UBR4: variants seen among roughly 807,000 people sequenced by gnomAD.
UBR4 encodes ubiquitin protein ligase E3 component n-recognin 4.
In UBR4, 124 loss-of-function variants were observed where a neutral mutation model predicts 575.6. That is an observed-to-expected ratio of 0.22 (90% CI 0.19 to 0.25). The LOEUF (loss-of-function observed/expected upper bound fraction) is 0.25, where lower values mean the gene tolerates loss of function less well. Ranked by LOEUF, UBR4 falls within the 10% of genes least tolerant of loss-of-function variation. The probability of loss-of-function intolerance (pLI) is 1.00; values close to 1 mark genes in which losing one functional copy is unlikely to be tolerated. For synonymous variants in UBR4, 2,455 were observed against 2,473.7 expected, an observed-to-expected ratio of 0.99 and a Z score of 0.22; for missense variants, 4,818 against 6,478.8, an observed-to-expected ratio of 0.74 and a Z score of 8.80.
rs2081976279 is a variant in UBR4 at position 19,127,729 on chromosome 1, T to G, written c.9122A>C (p.Lys3041Thr). 2 of 1,613,958 alleles carry G rather than the reference T, an allele frequency of 1.2e-6. No individual in the cohort carries two copies. Among genetic ancestry groups the G allele is most frequent in the Non-Finnish European group, 1.7e-6 (2 of 1,179,950 alleles). ...ATTCAGGGCGCTGCGCTCATTCTTC[T>G]TGGAGACATCCTGCAGGCCAAAGCG... is the stretch of plus-strand genomic sequence containing the variant. The part of the protein sequence containing the change: ...ELGMDKKDVS[K>T]KNERSALNEV... The change falls in exon 63 of 106, where the codon AAG (lysine) becomes ACG (threonine). Residue 3041 changes from lysine (K) to threonine (T), a missense_variant. Physicochemically the swap from Lys to Thr is moderately conservative, Grantham distance 78 (BLOSUM62 -1). This residue lies in a region of UBR4 where 550 missense variants were observed against 791.5 expected (regional missense o/e 0.69). Coordinates refer to ENST00000375254, the MANE Select transcript of UBR4 (RefSeq NM_020765.3).
Position 19,086,810 on chromosome 1 carries a change from G to A in UBR4, c.14556C>T (p.Val4852=). Residue 4852 remains valine, a synonymous_variant, in exon 100 of 106, where the codon GTC becomes GTT. Transcript: ENST00000375254. ...REGYKFQPTK[V]LGIYTFTKRV... is the part of the protein sequence containing the mutation. ...GCTTCGTGAAGGTATAAATGCCCAG[G>A]ACCTTTGTGGGCTGCAAAGACGACA... 6.2e-7 allele frequency: 1 copy of A among 1,614,160 alleles called. No homozygotes were observed. Among genetic ancestry groups the A allele is most frequent in the Non-Finnish European group, 8.5e-7 (1 of 1,180,012 alleles).
chr1:19,175,119 T>C (rs2150987450), intron 20 of UBR4, 86 bp from the exon 21 acceptor site: 3 of 1,277,820 alleles, frequency 2.3e-6, no homozygotes, highest in South Asian at 2.7e-5. Flanking sequence ...GAAAATACTT[T>C]ATAATAAGGT....
intron 90 of UBR4, among the ~76,000 whole-genome samples, chr1:19,099,111 C>T (rs1280774997): frequency 6.6e-6 from 1 of 152,160 alleles, no homozygotes; most frequent in Non-Finnish European, 1.5e-5. Context: ...TTCCCTTTTC[C>T]CCTCCTCAAG....
chr1:19,126,284 T>A (rs1452273725), intron 64 of UBR4, among the ~76,000 whole-genome samples, 162 bp downstream of exon 64: 2 of 152,038 alleles, frequency 1.3e-5, no homozygotes, highest in African/African-American at 4.8e-5. Flanking sequence ...TTGGGAGAAG[T>A]GGTCATTTAT....
At chr1:19,177,837 C>T (rs2090439100) in intron 18 of UBR4, 94 bp from the exon 19 acceptor site, 1 of 1,362,290 alleles carries the variant, frequency 7.3e-7, no homozygotes. Context: ...ATTTCCTAAA[C>T]CCAGGCAGTA....
chr1:19,141,556 G>A (rs1250223619), intron 56 of UBR4, 32 bp from the exon 57 acceptor site: 2 of 1,597,256 alleles, frequency 1.3e-6, no homozygotes, highest in Admixed American at 1.7e-5. Flanking sequence ...AGTGTCCCAT[G>A]GTAAGTGGTA....
chr1:19,145,811 C>G lies in UBR4; in HGVS notation c.7927G>C (p.Ala2643Pro). 6.2e-7 allele frequency: 1 copy of G among 1,613,976 alleles called. No individual in the cohort carries two copies. The highest frequency in any genetic ancestry group is 8.5e-7 in the Non-Finnish European group (1 of 1,179,936). The change falls in exon 53 of 106, where the codon GCA (alanine) becomes CCA (proline). Residue 2643 changes from alanine (A) to proline (P), a missense_variant. Around this residue, in one of 29 missense-constraint regions of UBR4, gnomAD observed 340 missense variants for 375.4 expected, o/e 0.91. Coordinates refer to ENST00000375254, the MANE Select transcript of UBR4 (RefSeq NM_020765.3). ...AACATACCTGGAAGGCAGGCAGGTG[C>G]CAAGAAGGCATTCTTGGGTTTGGAT... is the stretch of plus-strand genomic sequence containing the variant. ...HASKPKNAFL[A>P]PACLPGLTHI... is the part of the protein sequence containing the mutation.
intron 11 of UBR4, among the ~76,000 whole-genome samples, 168 bp from the exon 12 acceptor site, chr1:19,187,708 T>C (rs945131231): frequency 2.6e-5 from 4 of 152,140 alleles, no homozygotes; most frequent in African/African-American, 9.7e-5. Flanking sequence ...TTTCTGAAGT[T>C]CACAATCTCC....
intron 17 of UBR4, among the ~76,000 whole-genome samples, chr1:19,182,334 T>C (rs1029739624): frequency 8.4e-5 from 11 of 130,184 alleles, no homozygotes; most frequent in Admixed American, 7.0e-4. Context: ...CTGGATCATA[T>C]AGTAATTCTA....
intron 18 of UBR4, 143 bp downstream of exon 18, chr1:19,178,908 C>G (rs2090578640): frequency 8.8e-6 from 9 of 1,018,816 alleles, no homozygotes; most frequent in Non-Finnish European, 1.3e-5. Flanking sequence ...AGCACATCTC[C>G]AAGTCCATCC....
chr1:19,177,341 A>G, intron 19 of UBR4, 120 bp downstream of exon 19: 1 of 1,277,640 alleles, frequency 7.8e-7, no homozygotes, highest in Non-Finnish European at 1.1e-6. Flanking sequence ...CCTACCCATC[A>G]ACCTACCAAA....
At chr1:19,155,101 C>T (rs1419102971) in intron 43 of UBR4, 26 bp from the exon 44 acceptor site, 2 of 1,611,200 alleles carry the variant, frequency 1.2e-6, no homozygotes, top group Admixed American at 1.7e-5. Context: ...CACATATTTG[C>T]AGTAATTCAT....
chr1:19,096,732 T>A, intron 91 of UBR4, 82 bp from the exon 92 acceptor site: 1 of 1,541,710 alleles, frequency 6.5e-7, no homozygotes, highest in Admixed American at 2.0e-5. Context: ...ACAGCCCTAT[T>A]CCTGGCTGAT....
chr1:19,106,267 G>A (rs1290498109), intron 83 of UBR4, among the ~76,000 whole-genome samples: 1 of 151,796 alleles, frequency 6.6e-6, no homozygotes, highest in Non-Finnish European at 1.5e-5. Context: ...AGAGGAGGGA[G>A]AGAAAGGACA....
chr1:19,077,551 T>C (rs922587708), intron 104 of UBR4, among the ~76,000 whole-genome samples: 5 of 152,094 alleles, frequency 3.3e-5, no homozygotes, highest in Non-Finnish European at 5.9e-5. Flanking sequence ...CTGACCAACA[T>C]GGTTAAACCT....
chr1:19,204,694 G>A (rs187392183), intron 1 of UBR4, among the ~76,000 whole-genome samples: 6 of 152,232 alleles, frequency 3.9e-5, no homozygotes, highest in African/African-American at 9.6e-5. Flanking sequence ...GACATTGGCA[G>A]AGGAAAAATG....
chr1:19,097,148 C>A, intron 91 of UBR4, 45 bp downstream of exon 91: 2 of 1,549,220 alleles, frequency 1.3e-6, no homozygotes, highest in South Asian at 2.4e-5. Context: ...GTGAGCCGCT[C>A]ATGAGTCCCA....
At chr1:19,097,313 A>G (rs1290148970) in intron 90 of UBR4, 33 bp from the exon 91 acceptor site, 1 of 1,600,052 alleles carries the variant, frequency 6.2e-7, no homozygotes, top group South Asian at 1.1e-5. Context: ...AGGTACTTAA[A>G]AACAGGCCCA....
chr1:19,170,368 C>T (rs2089323080), intron 26 of UBR4, among the ~76,000 whole-genome samples: 1 of 152,214 alleles, frequency 6.6e-6, no homozygotes, highest in Non-Finnish European at 1.5e-5. Context: ...CACTGTACTC[C>T]AGCCTGGGTG....
Sources: gnomAD v4.1 joint callset for allele counts (sites outside exome capture counted in the v4.1 genomes callset) on GRCh38, gnomAD v4.1.1 for gene constraint, gnomAD v4.1.1 regional missense constraint, MANE v1.5 for transcripts, NCBI Gene and HGNC (gene_info 2026-07-23, HGNC 2026-07-21) for gene names.